The following FRY variants were observed in gnomAD, a reference collection of about 807,000 sequenced individuals.
FRY encodes protein furry homolog.
Under a neutral mutation model 348.4 loss-of-function variants are expected in FRY, and 128 were observed. The observed-to-expected ratio is 0.37, with a 90% CI of 0.32 to 0.43. FRY has a LOEUF of 0.43. FRY is among the 20% of genes least tolerant of loss of function. The pLI, the probability that FRY is intolerant of heterozygous loss-of-function variation, is 1.00. For synonymous variants in FRY, 1,370 were observed against 1,374.7 expected (o/e 1.00, Z 0.08); for missense variants, 2,736 against 3,695.2 (o/e 0.74, Z 6.73).
At chr13:32,262,241 A>T (rs1043782308) in intron 52 of FRY, 73 bp from the exon 53 acceptor site, 33 of 1,238,082 alleles carry the variant, frequency 2.7e-5, no homozygotes, top group Non-Finnish European at 3.8e-5. Flanking sequence ...TTAACCAACA[A>T]CTAGAGAATA....
chr13:32,283,713 A>G (rs1029467979), intron 58 of FRY, among the ~76,000 whole-genome samples: 1 of 152,178 alleles, frequency 6.6e-6, no homozygotes, highest in Non-Finnish European at 1.5e-5. Context: ...GGTGATAGTA[A>G]TACCAGTTCT....
chr13:32,132,503 A>G (rs9652161), intron 8 of FRY, among the ~76,000 whole-genome samples: 12,358 of 152,240 alleles, frequency 0.081, 680 homozygotes, highest in African/African-American at 0.15. Flanking sequence ...GGCTATAGTC[A>G]AAAATATAAC....
intron 33 of FRY, among the ~76,000 whole-genome samples, chr13:32,210,458 T>G (rs1425503590): frequency 6.6e-6 from 1 of 152,214 alleles, no homozygotes; most frequent in Non-Finnish European, 1.5e-5. Context: ...CTAAAACTCA[T>G]TTGTTTCTTG....
At chr13:32,085,908 T>C (rs1436016195) in intron 2 of FRY, 2 of 518,856 alleles carry the variant, frequency 3.9e-6, no homozygotes, top group Non-Finnish European at 7.7e-6. Context: ...CTCCAGGTGC[T>C]CATGCTTTGG....
chr13:32,229,309 G>T (rs1885782551), intron 40 of FRY, among the ~76,000 whole-genome samples: 1 of 152,180 alleles, frequency 6.6e-6, no homozygotes, highest in African/African-American at 2.4e-5. Flanking sequence ...ATGCTTACTT[G>T]TGACTGGGTG....
At chr13:32,140,678 G>A (rs1249709224) in intron 11 of FRY, among the ~76,000 whole-genome samples, 1 of 152,190 alleles carries the variant, frequency 6.6e-6, no homozygotes, top group Non-Finnish European at 1.5e-5. Context: ...AGGGAAGGCA[G>A]GCAAGGGAGG....
chr13:32,065,734 A>T (rs1874218252), intron 1 of FRY, among the ~76,000 whole-genome samples: 2 of 152,054 alleles, frequency 1.3e-5, no homozygotes, highest in African/African-American at 4.8e-5. Flanking sequence ...CCAGTAGCTA[A>T]GACTGCAGAT....
chr13:32,244,330 A>C, intron 47 of FRY, 148 bp downstream of exon 47: 1 of 741,406 alleles, frequency 1.3e-6, no homozygotes, highest in Non-Finnish European at 2.4e-6. Context: ...TAAGAGTGGG[A>C]GTTGGCCACA....
intron 57 of FRY, 81 bp from the exon 58 acceptor site, chr13:32,278,384 T>C: frequency 2.4e-6 from 2 of 816,596 alleles, no homozygotes; most frequent in South Asian, 1.4e-5. Context: ...CTTTAATGAA[T>C]TTTTTCCTAA....
At chr13:32,082,156 T>G (rs1158651120) in intron 2 of FRY, among the ~76,000 whole-genome samples, 1 of 151,326 alleles carries the variant, frequency 6.6e-6, no homozygotes, top group Non-Finnish European at 1.5e-5. Context: ...GAGCAGATTA[T>G]GTACAACTTT....
chr13:32,038,881 C>A (rs1872646729), intron 1 of FRY, among the ~76,000 whole-genome samples: 1 of 152,192 alleles, frequency 6.6e-6, no homozygotes, highest in African/African-American at 2.4e-5. Context: ...ATCAACTAAG[C>A]ACAACACACA....
chr13:32,053,221 A>G (rs11838934), intron 1 of FRY, among the ~76,000 whole-genome samples: 8,952 of 152,290 alleles, frequency 0.059, 377 homozygotes, highest in African/African-American at 0.11. Flanking sequence ...GAATTATTTC[A>G]AATAGTATTC....
At chr13:32,034,354 G>A (rs982086010) in intron 1 of FRY, among the ~76,000 whole-genome samples, 1 of 152,134 alleles carries the variant, frequency 6.6e-6, no homozygotes, top group African/African-American at 2.4e-5. Flanking sequence ...CCAATAAATA[G>A]ATCAGTCGCT....
chr13:32,179,936 C>CAACCAAGACGAT, intron 23 of FRY, 137 bp downstream of exon 23: 3 of 830,920 alleles, frequency 3.6e-6, no homozygotes, highest in Non-Finnish European at 6.1e-6. Flanking sequence ...CCCACTACAT[C>CAACCAAGACGAT]GTCTTGGTTG....
At chr13:32,215,530 T>C (rs944682507) in intron 35 of FRY, among the ~76,000 whole-genome samples, 5 of 152,068 alleles carry the variant, frequency 3.3e-5, no homozygotes, top group Admixed American at 3.3e-4. Context: ...ATTAAAAGAG[T>C]AGTTTATAGC....
At chr13:32,275,858 G>A (rs540860028) in intron 56 of FRY, among the ~76,000 whole-genome samples, 1 of 152,168 alleles carries the variant, frequency 6.6e-6, no homozygotes, top group South Asian at 2.1e-4. Flanking sequence ...AGCTCCTGGA[G>A]GGTGGGAGTT....
At chr13:32,057,628 G>A (rs1873706254) in intron 1 of FRY, among the ~76,000 whole-genome samples, 1 of 152,162 alleles carries the variant, frequency 6.6e-6, no homozygotes, top group Non-Finnish European at 1.5e-5. Context: ...GCCCGTGAAG[G>A]TAGATGCATT....
At chr13:32,038,390 C>T (rs1872626557) in intron 1 of FRY, 1 of 152,152 alleles carries the variant, frequency 6.6e-6, no homozygotes, top group African/African-American at 2.4e-5. Flanking sequence ...TTCTCTTAGT[C>T]CTCTTTTTTA....
Position 32,194,155 on chromosome 13 carries a change from G to A in FRY, c.3604G>A (p.Gly1202Ser). ...ACQDLRVHQL[G>S]CEVVVLLLEL... is the part of the protein sequence containing the mutation. ...TCCATGTATTCAGGTTCATCAACTT[G>A]GCTGCGAAGTTGTTGTCTTGCTACT... The change falls in exon 29 of 61, where the codon GGC becomes AGC. Residue 1202 changes from glycine (G) to serine (S), a missense_variant. Physicochemically the swap from Gly to Ser is moderately conservative, Grantham distance 56 (BLOSUM62 0). Transcript: ENST00000542859. The A allele has an allele frequency of 6.2e-7, 1 of 1,613,720 alleles. No individual in the cohort carries two copies. Among genetic ancestry groups the A allele is most frequent in the African/African-American group, 1.3e-5 (1 of 75,030 alleles).
Sources: gnomAD v4.1 joint callset for allele counts (sites outside exome capture counted in the v4.1 genomes callset) on GRCh38, gnomAD v4.1.1 for gene constraint, MANE v1.5 for transcripts, NCBI Gene and HGNC (gene_info 2026-07-23, HGNC 2026-07-21) for gene names.